NEK1: variants seen among roughly 807,000 people sequenced by gnomAD.
NEK1 encodes the protein serine/threonine-protein kinase Nek1.
In NEK1, 137 loss-of-function variants were observed where a neutral mutation model predicts 182.1. That is an observed-to-expected ratio of 0.75 (90% CI 0.65 to 0.87). The LOEUF (loss-of-function observed/expected upper bound fraction) is 0.87. NEK1 is among the 40% of genes least tolerant of loss of function. The pLI is 0.00. For synonymous variants in NEK1, 513 were observed against 492.2 expected (o/e 1.04, Z -0.56); for missense variants, 1,391 against 1,494.4 (o/e 0.93, Z 1.14).
At chr4:169,545,915 TAA>T (rs759857014) in intron 18 of NEK1, among the ~76,000 whole-genome samples, 4 of 152,102 alleles carry the variant, frequency 2.6e-5, no homozygotes, top group Non-Finnish European at 5.9e-5. Context: ...CCCAAGGAAA[TAA>T]AAGAGGATAC....
intron 12 of NEK1, among the ~76,000 whole-genome samples, chr4:169,563,203 T>A (rs1483094646): frequency 1.3e-5 from 2 of 151,784 alleles, no homozygotes; most frequent in African/African-American, 2.4e-5. Context: ...CTACAAAAAA[T>A]TTTTAAAAAT....
intron 27 of NEK1, among the ~76,000 whole-genome samples, chr4:169,457,768 A>G (rs1360414710): frequency 1.3e-5 from 2 of 149,968 alleles, no homozygotes; most frequent in Non-Finnish European, 3.0e-5. Flanking sequence ...AGGGGAGGGA[A>G]GAAGACAGGC....
chr4:169,587,742 A>G (rs756032498), intron 8 of NEK1, 129 bp from the exon 9 acceptor site: 191 of 495,412 alleles, frequency 3.9e-4, no homozygotes, highest in Non-Finnish European at 6.4e-4. Context: ...AAAACTAAAA[A>G]TTTCAACCAT....
intron 19 of NEK1, among the ~76,000 whole-genome samples, chr4:169,525,070 T>A (rs1479115316): frequency 1.3e-5 from 2 of 152,194 alleles, no homozygotes; most frequent in African/African-American, 4.8e-5. Context: ...ATTTTGCTTT[T>A]TAATTTACAC....
intron 31 of NEK1, among the ~76,000 whole-genome samples, chr4:169,424,225 A>T (rs368165932): frequency 1.3e-5 from 2 of 152,188 alleles, no homozygotes; most frequent in East Asian, 3.8e-4. Flanking sequence ...TCTATTTAAG[A>T]TATATTGCTT....
intron 23 of NEK1, among the ~76,000 whole-genome samples, chr4:169,492,261 C>A (rs1750241085): frequency 6.6e-6 from 1 of 152,196 alleles, no homozygotes; most frequent in African/African-American, 2.4e-5. Flanking sequence ...TGCCCGTTCT[C>A]CTCAGAAGGA....
intron 35 of NEK1, 135 bp downstream of exon 35, chr4:169,400,090 A>C: frequency 2.3e-6 from 2 of 876,810 alleles, no homozygotes; most frequent in East Asian, 5.3e-5. Flanking sequence ...AGTTAATTTT[A>C]TTATTGCTTA....
intron 29 of NEK1, among the ~76,000 whole-genome samples, chr4:169,429,725 T>C (rs10017023): frequency 0.011 from 1,689 of 152,292 alleles, 39 homozygotes; most frequent in African/African-American, 0.038. Flanking sequence ...TGTCATTTTA[T>C]CGATGCCCTG....
intron 19 of NEK1, among the ~76,000 whole-genome samples, chr4:169,536,725 G>C (rs1199808578): frequency 6.6e-6 from 1 of 152,050 alleles, no homozygotes; most frequent in Admixed American, 6.6e-5. Context: ...AAATAAATTA[G>C]TAAATTTCAG....
chr4:169,519,199 G>T (rs62334499), intron 19 of NEK1, among the ~76,000 whole-genome samples: 1,424 of 4,404 alleles, frequency 0.32, 275 homozygotes, highest in East Asian at 0.79. Context: ...CCTGTATTGG[G>T]TGCATAAATA....
At chr4:169,589,304 C>T in intron 7 of NEK1, 143 bp downstream of exon 7, 1 of 639,010 alleles carries the variant, frequency 1.6e-6, no homozygotes, top group Non-Finnish European at 2.8e-6. Flanking sequence ...CCTAATGATG[C>T]CTTTCTCAGA....
At chr4:169,457,129 T>C (rs530566718) in intron 27 of NEK1, among the ~76,000 whole-genome samples, 1 of 152,270 alleles carries the variant, frequency 6.6e-6, no homozygotes, top group African/African-American at 2.4e-5. Context: ...AGAATGTATA[T>C]GATCCAGTAT....
At chr4:169,599,850 G>A (rs1770182452) in intron 4 of NEK1, among the ~76,000 whole-genome samples, 1 of 151,836 alleles carries the variant, frequency 6.6e-6, no homozygotes, top group South Asian at 2.1e-4. Context: ...TTCTTCCTAT[G>A]GATAGAAAGG....
chr4:169,418,220 GACA>G (rs1734865276), intron 31 of NEK1, among the ~76,000 whole-genome samples: 1 of 152,016 alleles, frequency 6.6e-6, no homozygotes, highest in Admixed American at 6.6e-5. Flanking sequence ...CTAGAATGAA[GACA>G]ACTTTACACT....
chr4:169,445,770 A>C (rs1202374202), intron 27 of NEK1, among the ~76,000 whole-genome samples: 1 of 151,722 alleles, frequency 6.6e-6, no homozygotes, highest in African/African-American at 2.4e-5. Context: ...ACAGAAGCCC[A>C]AATCTCAGCA....
At position 169,416,448 on chromosome 4, in the gene NEK1, G is replaced by T. The variant is rs77214945; in HGVS notation, c.3222+8105C>A. 3.7e-3 allele frequency among the ~76,000 whole-genome samples: 571 copies of T among 152,304 alleles called. 6 individuals are homozygous for T. The highest frequency in any genetic ancestry group is 0.012 in the African/African-American group (512 of 41,570). ...AAGGTAAATACAAAAGTCTTCTAGA[G>T]AATTTCTTATACTACTCACCAAAGT... On this transcript the variant is annotated intron_variant, in intron 31 of 35. Coordinates refer to ENST00000507142, the MANE Select transcript of NEK1 (RefSeq NM_001199397.3).
intron 24 of NEK1, 50 bp from the exon 25 acceptor site, chr4:169,477,547 T>C: frequency 1.5e-6 from 2 of 1,347,930 alleles, no homozygotes; most frequent in East Asian, 2.5e-5. Context: ...TTTTTTTAAA[T>C]CTACCTTTAA....
chr4:169,574,317 G>A lies in NEK1; in HGVS notation c.1020+2611C>T, dbSNP rs575861435. Among the ~76,000 whole-genome samples, 13 of 152,046 alleles carry A rather than the reference G, an allele frequency of 8.6e-5. No homozygotes were observed. In the South Asian group the frequency reaches 1.2e-3, roughly 15 times the overall value. On this transcript the variant is annotated intron_variant, in intron 12 of 35. Transcript: ENST00000507142. ...AACTCTTCAAAAGACAAGGGTTGGC[G>A]GGGCGTGGTGGCTCATGCCCGTAAT...
intron 23 of NEK1, among the ~76,000 whole-genome samples, chr4:169,505,721 T>C (rs1230890856): frequency 2.6e-5 from 4 of 152,182 alleles, no homozygotes; most frequent in African/African-American, 9.7e-5. Context: ...ATCACGACTA[T>C]TTGCCAATGA....
Sources: allele counts gnomAD v4.1 joint callset (sites outside exome capture counted in the v4.1 genomes callset), GRCh38; gene constraint gnomAD v4.1.1; transcripts MANE v1.5; gene names NCBI Gene and HGNC (gene_info 2026-07-23, HGNC 2026-07-21).